The following JAKMIP2 variants were observed in gnomAD, a reference collection of about 807,000 sequenced individuals.
JAKMIP2 encodes janus kinase and microtubule interacting protein 2.
A neutral mutation model predicts 115.0 loss-of-function variants in JAKMIP2; 25 were observed. That is an observed-to-expected ratio of 0.22 (90% CI 0.16 to 0.30). JAKMIP2 has a LOEUF of 0.30. JAKMIP2 is among the 10% of genes least tolerant of loss of function. The probability of loss-of-function intolerance (pLI) is 1.00; values close to 1 mark genes in which losing one functional copy is unlikely to be tolerated. For synonymous variants in JAKMIP2, 334 were observed against 343.6 expected, an observed-to-expected ratio of 0.97 and a Z score of 0.31; for missense variants, 642 against 957.6, an observed-to-expected ratio of 0.67 and a Z score of 4.35.
chr5:147,641,320 G>A (rs532016313), intron 8 of JAKMIP2, among the ~76,000 whole-genome samples: 2 of 152,202 alleles, frequency 1.3e-5, no homozygotes, highest in South Asian at 4.2e-4. Flanking sequence ...TTGATGGATT[G>A]GGAGCATTGC....
chr5:147,742,155 A>ATATATATATATATATATATTTTTT, intron 1 of JAKMIP2, among the ~76,000 whole-genome samples: 5 of 108,904 alleles, frequency 4.6e-5, no homozygotes, highest in East Asian at 3.3e-4. Context: ...ATATATATAT[A>ATATATATATATATATATATTTTTT]TTTTTTTTAC....
intron 1 of JAKMIP2, among the ~76,000 whole-genome samples, chr5:147,712,855 C>T (rs1252289208): frequency 6.6e-6 from 1 of 152,144 alleles, no homozygotes; most frequent in African/African-American, 2.4e-5. Flanking sequence ...CTTCCTCTTT[C>T]TCAAGTAAAA....
chr5:147,634,389 G>A (rs1353830075), intron 12 of JAKMIP2, among the ~76,000 whole-genome samples: 1 of 152,076 alleles, frequency 6.6e-6, no homozygotes, highest in African/African-American at 2.4e-5. Flanking sequence ...AGAAAGATAG[G>A]GAAATAGTGA....
intron 21 of JAKMIP2, among the ~76,000 whole-genome samples, chr5:147,593,116 G>A (rs1474895365): frequency 6.6e-6 from 1 of 152,176 alleles, no homozygotes; most frequent in Non-Finnish European, 1.5e-5. Context: ...TGTGAGCAGA[G>A]AACTGAAGAG....
At chr5:147,649,034 T>A (rs759572605) in intron 4 of JAKMIP2, among the ~76,000 whole-genome samples, 4 of 152,202 alleles carry the variant, frequency 2.6e-5, no homozygotes, top group Non-Finnish European at 4.4e-5. Flanking sequence ...CTGACTAGTA[T>A]ATTCTGCCCA....
rs188900292 is a variant in JAKMIP2, at chr5:147,611,055, G to A, written c.2412+1251C>T. On this transcript the variant is annotated intron_variant, in intron 20 of 21. Coordinates refer to ENST00000616793, the MANE Select transcript of JAKMIP2 (RefSeq NM_001270941.2). ...CCCCCCACCAAGATCGGGCACCCCA[G>A]GTTGACTTCAGACTGCTGTGCTGGC... Among the ~76,000 whole-genome samples the A allele has an allele frequency of 2.6e-3, 397 of 152,228 alleles. 4 individuals carry two copies. The highest frequency in any genetic ancestry group is 4.4e-3 in the Non-Finnish European group (302 of 68,002).
At chr5:147,710,210 G>T (rs1452425178) in intron 1 of JAKMIP2, among the ~76,000 whole-genome samples, 1 of 152,102 alleles carries the variant, frequency 6.6e-6, no homozygotes, top group East Asian at 1.9e-4. Context: ...TACAATTACA[G>T]GGTGGATTTA....
chr5:147,598,242 G>A (rs1451625024), intron 21 of JAKMIP2, among the ~76,000 whole-genome samples: 1 of 152,038 alleles, frequency 6.6e-6, no homozygotes, highest in Non-Finnish European at 1.5e-5. Flanking sequence ...CTTGTGATCT[G>A]CCAGCCTCAG....
chr5:147,648,200 C>G (rs1654248422), intron 5 of JAKMIP2, among the ~76,000 whole-genome samples, 176 bp downstream of exon 5: 1 of 152,034 alleles, frequency 6.6e-6, no homozygotes, highest in African/African-American at 2.4e-5. Flanking sequence ...GGTAATCTTC[C>G]ATTTATTCAT....
intron 2 of JAKMIP2, among the ~76,000 whole-genome samples, chr5:147,670,625 T>TATTATAATG (rs1446175459): frequency 6.6e-6 from 1 of 151,760 alleles, no homozygotes; most frequent in African/African-American, 2.4e-5. Flanking sequence ...AGAATACTAA[T>TATTATAATG]ATTATAATGT....
Position 147,588,310 on chromosome 5 carries a change from G to A in JAKMIP2, c.*3397C>T, listed in dbSNP as rs1179505123. 6.6e-6 allele frequency: 1 copy of A among 151,886 alleles called. No individual in the cohort carries two copies. Among genetic ancestry groups the A allele is most frequent in the African/African-American group, 2.4e-5 (1 of 41,348 alleles). 9.4% of individuals were successfully genotyped at this position (151,886 alleles called of 1,614,324 possible). On this transcript the variant is annotated 3_prime_UTR_variant, in exon 22 of 22. Transcript: ENST00000616793. ...GAGAAAAATTAAGTTAATGAACCCG[G>A]AAGAATGCTGTTCTGACTGCTACAA...
At chr5:147,616,322 T>A (rs1427294776) in intron 19 of JAKMIP2, among the ~76,000 whole-genome samples, 1 of 152,230 alleles carries the variant, frequency 6.6e-6, no homozygotes, top group Non-Finnish European at 1.5e-5. Flanking sequence ...CATATTCTAA[T>A]GAACATTTGT....
chr5:147,709,250 T>C lies in JAKMIP2; in HGVS notation c.-148-37296A>G, dbSNP rs551382007. Among the ~76,000 whole-genome samples, 5 of 152,322 alleles carry C rather than the reference T, an allele frequency of 3.3e-5. No homozygotes were observed. In the South Asian group the frequency reaches 1.0e-3, roughly 32 times the overall value. On this transcript the variant is annotated intron_variant, in intron 1 of 21. Coordinates refer to ENST00000616793, the MANE Select transcript of JAKMIP2 (RefSeq NM_001270941.2). ...GAATTGAGACGATCTCAGTATCCAA[T>C]GAGAATGTTATGGATTTGTATTATG... is the stretch of plus-strand genomic sequence containing the variant.
intron 1 of JAKMIP2, among the ~76,000 whole-genome samples, chr5:147,762,117 G>T (rs1027222505): frequency 6.6e-6 from 1 of 151,842 alleles, no homozygotes; most frequent in Non-Finnish European, 1.5e-5. Context: ...GGATTTGAGG[G>T]TTTGTTTGAT....
At chr5:147,671,051 G>A (rs2126805094) in intron 2 of JAKMIP2, among the ~76,000 whole-genome samples, 1 of 152,356 alleles carries the variant, frequency 6.6e-6, no homozygotes, top group Middle Eastern at 3.4e-3. Flanking sequence ...ACATCTGAAA[G>A]AGGTGAGTGA....
chr5:147,691,312 G>A (rs200825401), intron 1 of JAKMIP2, among the ~76,000 whole-genome samples: 15 of 151,924 alleles, frequency 9.9e-5, no homozygotes, highest in Non-Finnish European at 1.6e-4. Flanking sequence ...CCTCCTCCAC[G>A]GTACACAGAC....
intron 1 of JAKMIP2, among the ~76,000 whole-genome samples, chr5:147,726,100 A>G (rs1254517320): frequency 6.6e-6 from 1 of 151,930 alleles, no homozygotes; most frequent in Non-Finnish European, 1.5e-5. Context: ...CTCTCCTTTT[A>G]TATCTTTTCT....
intron 1 of JAKMIP2, among the ~76,000 whole-genome samples, chr5:147,695,733 T>C (rs1752081206): frequency 6.6e-6 from 1 of 151,120 alleles, no homozygotes; most frequent in Admixed American, 6.6e-5. Flanking sequence ...AGTGAGCAAA[T>C]TCAGAAACTT....
At chr5:147,623,991 C>T (rs922814025) in intron 16 of JAKMIP2, among the ~76,000 whole-genome samples, 3 of 151,866 alleles carry the variant, frequency 2.0e-5, no homozygotes, top group Admixed American at 6.6e-5. Flanking sequence ...CCTGCCACCA[C>T]GCCTGGCTAA....
Sources: gnomAD v4.1 joint callset for allele counts (sites outside exome capture counted in the v4.1 genomes callset) on GRCh38, gnomAD v4.1.1 for gene constraint, MANE v1.5 for transcripts, NCBI Gene and HGNC (gene_info 2026-07-23, HGNC 2026-07-21) for gene names.